Variants in ZNF407 observed in about 807,000 individuals in gnomAD.
ZNF407 encodes zinc finger protein 407.
In ZNF407, 17 loss-of-function variants were observed where a neutral mutation model predicts 131.2. The observed-to-expected ratio is 0.13, with a 90% CI of 0.09 to 0.19. The LOEUF is 0.19. ZNF407 is among the 10% of genes least tolerant of loss of function. The probability of loss-of-function intolerance (pLI) is 1.00; values close to 1 mark genes in which losing one functional copy is unlikely to be tolerated. For missense variants in ZNF407, 2,681 were observed against 2,830.6 expected, an observed-to-expected ratio of 0.95 and a Z score of 1.20; for synonymous variants, 1,156 against 1,062.0, an observed-to-expected ratio of 1.09 and a Z score of -1.72.
In ZNF407 at chr18:74,889,940, T is replaced by C. The variant is rs771869677; in HGVS notation, c.5151T>C (p.Asp1717=). The change falls in exon 7 of 9, where the codon GAT becomes GAC. Residue 1717 remains aspartate, a synonymous_variant. Coordinates refer to ENST00000299687, the MANE Select transcript of ZNF407 (RefSeq NM_017757.3). ...QHTGEKPFKC[D]ECNFASTTQS... ...CAGGAGAAAAACCTTTCAAGTGCGA[T>C]GAGTGTAACTTTGCCTCCACAACTC... is the stretch of plus-strand genomic sequence containing the variant. 2.5e-6 allele frequency: 4 copies of C among 1,609,372 alleles called. No homozygotes were observed. The highest frequency in any genetic ancestry group is 1.7e-4 in the Middle Eastern group (1 of 6,050).
In ZNF407 at chr18:75,048,604, T is replaced by C. The variant is rs1403423968; in HGVS notation, c.5429-14546T>C. On this transcript the variant is annotated intron_variant, in intron 8 of 8. Transcript: ENST00000299687. This position sits in a 1 kb window ranked among gnomAD's most constrained non-coding sequence, Gnocchi z 4.1. ...AACTGACAGGACTCTAACTCTCAGCTCGATGTGAAAACAAGAGATGCTTTC... is the reference window on the plus strand; with the variant it reads ...AACTGACAGGACTCTAACTCTCAGCCCGATGTGAAAACAAGAGATGCTTTC... Among the ~76,000 whole-genome samples, 1 of 152,090 alleles carries C rather than the reference T, an allele frequency of 6.6e-6. No homozygotes were observed. Among genetic ancestry groups the C allele is most frequent in the Non-Finnish European group, 1.5e-5 (1 of 68,016 alleles).
chr18:74,797,579 C>T (rs1429601944), intron 4 of ZNF407, among the ~76,000 whole-genome samples: 1 of 152,236 alleles, frequency 6.6e-6, no homozygotes, highest in Non-Finnish European at 1.5e-5. Context: ...TACAGGAATG[C>T]ACTCTGGGTC....
chr18:74,614,916 G>A (rs994218875), intron 1 of ZNF407, among the ~76,000 whole-genome samples: 3 of 152,214 alleles, frequency 2.0e-5, no homozygotes, highest in Admixed American at 2.0e-4. Flanking sequence ...GAGATGGCTA[G>A]CTCTCCACCC....
intron 6 of ZNF407, among the ~76,000 whole-genome samples, chr18:74,883,708 C>A (rs1158749460): frequency 6.6e-6 from 1 of 152,214 alleles, no homozygotes; most frequent in African/African-American, 2.4e-5. Flanking sequence ...GTCAGCCCGT[C>A]TGACGGACAG....
intron 8 of ZNF407, among the ~76,000 whole-genome samples, chr18:74,981,987 G>T (rs534158011): frequency 5.5e-4 from 83 of 152,248 alleles, no homozygotes; most frequent in Non-Finnish European, 9.0e-4. Context: ...TGGGAATTCA[G>T]CACACAGCCA....
chr18:75,039,432 T>G (rs933752027), intron 8 of ZNF407, among the ~76,000 whole-genome samples: 1 of 152,194 alleles, frequency 6.6e-6, no homozygotes, highest in Non-Finnish European at 1.5e-5. Context: ...TCATTCTTAC[T>G]GATGTGTGGA....
At chr18:74,721,412 A>G (rs2144871634) in intron 3 of ZNF407, among the ~76,000 whole-genome samples, 1 of 152,268 alleles carries the variant, frequency 6.6e-6, no homozygotes, top group African/African-American at 2.4e-5. Flanking sequence ...CAAGAGAGAA[A>G]TAAGTGGCGT....
chr18:74,736,543 T>C (rs898599711), intron 3 of ZNF407, among the ~76,000 whole-genome samples: 1 of 152,182 alleles, frequency 6.6e-6, no homozygotes, highest in Non-Finnish European at 1.5e-5. Flanking sequence ...ATCACTTCAT[T>C]AATTTTTTCC....
intron 3 of ZNF407, among the ~76,000 whole-genome samples, chr18:74,683,650 A>G (rs535939309): frequency 1.5e-3 from 221 of 152,250 alleles, no homozygotes; most frequent in Admixed American, 4.2e-3. Context: ...CATACAAACT[A>G]TTTTTGCTTG....
At chr18:74,988,864 C>T (rs1445309324) in intron 8 of ZNF407, among the ~76,000 whole-genome samples, 3 of 152,104 alleles carry the variant, frequency 2.0e-5, no homozygotes, top group Non-Finnish European at 2.9e-5. Context: ...TTTCAGACAT[C>T]GCTGGGGAGA....
intron 8 of ZNF407, among the ~76,000 whole-genome samples, chr18:74,925,496 A>C (rs1201693890): frequency 6.6e-6 from 1 of 152,180 alleles, no homozygotes; most frequent in African/African-American, 2.4e-5. Flanking sequence ...AATATATTCA[A>C]ATTTCCTACA....
chr18:74,985,769 A>G (rs548362032), intron 8 of ZNF407, among the ~76,000 whole-genome samples: 1 of 152,258 alleles, frequency 6.6e-6, no homozygotes, highest in East Asian at 1.9e-4. Context: ...GGGTAGTACA[A>G]AAAACTGTCA....
At chr18:75,039,221 C>T (rs922600402) in intron 8 of ZNF407, among the ~76,000 whole-genome samples, 5 of 152,160 alleles carry the variant, frequency 3.3e-5, no homozygotes, top group African/African-American at 9.7e-5. Context: ...TAAAATCTAC[C>T]GCTTCCACTT....
At chr18:74,663,263 A>T (rs1027029770) in intron 3 of ZNF407, among the ~76,000 whole-genome samples, 1 of 152,214 alleles carries the variant, frequency 6.6e-6, no homozygotes, top group Non-Finnish European at 1.5e-5. Flanking sequence ...TATGTGTACC[A>T]CATCTAAAAC....
At chr18:75,045,087 G>T (rs1234377210) in intron 8 of ZNF407, among the ~76,000 whole-genome samples, 4 of 150,794 alleles carry the variant, frequency 2.7e-5, no homozygotes, top group Admixed American at 2.6e-4. Flanking sequence ...TGTATGTGGG[G>T]GGTGTGGGTG....
Position 74,703,545 on chromosome 18 carries a change from T to A in ZNF407, c.4802+62423T>A, listed in dbSNP as rs933360563. Among the ~76,000 whole-genome samples the A allele has an allele frequency of 3.3e-5, 5 of 152,166 alleles. No homozygotes were observed. Among genetic ancestry groups the A allele is most frequent in the African/African-American group, 1.2e-4 (5 of 41,430 alleles). On this transcript the variant is annotated intron_variant, in intron 3 of 8. Coordinates refer to ENST00000299687, the MANE Select transcript of ZNF407 (RefSeq NM_017757.3). This position sits in a 1 kb window ranked among gnomAD's most constrained non-coding sequence, Gnocchi z 4.1. Reference sequence around the variant, plus strand: ...CCACACCCAGCTAATTTTGTATTTTTAGTAGAGATGGGGTTTCTCCAGGTT... The same window carrying A: ...CCACACCCAGCTAATTTTGTATTTTAAGTAGAGATGGGGTTTCTCCAGGTT...
intron 7 of ZNF407, among the ~76,000 whole-genome samples, chr18:74,920,249 G>A (rs927818753): frequency 2.0e-5 from 3 of 152,100 alleles, no homozygotes; most frequent in Non-Finnish European, 4.4e-5. Context: ...AGAATAATTT[G>A]ATATTAAAAT....
chr18:75,031,219 A>G (rs1973236375), intron 8 of ZNF407, among the ~76,000 whole-genome samples: 1 of 152,222 alleles, frequency 6.6e-6, no homozygotes, highest in South Asian at 2.1e-4. Context: ...CAGTAATATA[A>G]TGGTCATCAT....
chr18:74,953,326 A>C (rs1460660398), intron 8 of ZNF407, among the ~76,000 whole-genome samples: 2 of 152,190 alleles, frequency 1.3e-5, no homozygotes, highest in Non-Finnish European at 2.9e-5. Flanking sequence ...TGGTGGATAA[A>C]GACCATCAGT....
Sources: gnomAD v4.1 joint callset for allele counts (sites outside exome capture counted in the v4.1 genomes callset) on GRCh38, gnomAD v4.1.1 for gene constraint, Gnocchi (gnomAD v3.1) non-coding constraint, MANE v1.5 for transcripts, NCBI Gene and HGNC (gene_info 2026-07-23, HGNC 2026-07-21) for gene names.